TUBD1: variants seen among roughly 807,000 people sequenced by gnomAD.
TUBD1 encodes tubulin delta 1, also known as tubulin delta chain.
In TUBD1, 38 loss-of-function variants were observed where a neutral mutation model predicts 51.2. That is an observed-to-expected ratio of 0.74 (90% CI 0.57 to 0.97). The LOEUF is 0.97. Ranked by LOEUF, TUBD1 falls within the 50% of genes least tolerant of loss-of-function variation. TUBD1 has a pLI of 0.00. For synonymous variants in TUBD1, 169 were observed against 178.2 expected, an observed-to-expected ratio of 0.95 and a Z score of 0.41; for missense variants, 489 against 538.4, an observed-to-expected ratio of 0.91 and a Z score of 0.91.
In TUBD1 at chr17:59,874,528, C is replaced by G; in HGVS notation, c.934+11G>C. ...AGCTTGTGGGCTGCATATTTTTGGACTACTCTTTACCTTCTTCCATCTTTG... is the reference window on the plus strand; with the variant it reads ...AGCTTGTGGGCTGCATATTTTTGGAGTACTCTTTACCTTCTTCCATCTTTG... On this transcript the variant is annotated intron_variant, in intron 6 of 8. Coordinates refer to ENST00000325752, the MANE Select transcript of TUBD1 (RefSeq NM_016261.4). The G allele has an allele frequency of 1.2e-6, 2 of 1,606,342 alleles. No homozygotes were observed. Among genetic ancestry groups the G allele is most frequent in the Non-Finnish European group, 1.7e-6 (2 of 1,178,180 alleles).
intron 6 of TUBD1, among the ~76,000 whole-genome samples, chr17:59,872,414 GA>G (rs962164639): frequency 4.0e-5 from 6 of 151,892 alleles, no homozygotes; most frequent in African/African-American, 9.7e-5. Flanking sequence ...TTTTTTTACA[GA>G]AAAGTTTCAG....
At chr17:59,888,873 G>A (rs1408396050) in intron 2 of TUBD1, among the ~76,000 whole-genome samples, 3 of 151,668 alleles carry the variant, frequency 2.0e-5, no homozygotes, top group East Asian at 1.9e-4. Flanking sequence ...CACTACGCTC[G>A]GCTAATTTTT....
Position 59,889,668 on chromosome 17 carries a change from C to CAAA in TUBD1, c.172+1160_172+1162dup, listed in dbSNP as rs1195587619. 1.8e-4 allele frequency among the ~76,000 whole-genome samples: 10 copies of CAAA among 54,138 alleles called. No individual in the cohort carries two copies. In the East Asian group the frequency reaches 1.9e-3, roughly 10 times the overall value. The allele number at this position is 54,138 out of a possible 152,430, so 35.5% of individuals were successfully genotyped here. ...TGGGTGACAGAGCTAGACTCTGTCT[C>CAAA]AAAAAAAAAAAAAAAAAAAGAAAAA... On this transcript the variant is annotated intron_variant, in intron 2 of 8. Transcript: ENST00000325752.
At position 59,882,082 on chromosome 17, in the gene TUBD1, TTC is replaced by T. The variant is rs869113547; in HGVS notation, c.321-974_321-973del. Among the ~76,000 whole-genome samples the T allele has an allele frequency of 3.4e-3, 363 of 107,378 alleles. 1 individual carries two copies. Among genetic ancestry groups the T allele is most frequent in the African/African-American group, 0.012 (277 of 22,658 alleles). The allele number at this position is 107,378 out of a possible 152,430, so 70.4% of individuals were successfully genotyped here. Reference sequence around the variant, plus strand: ...CTGTATTTTTGTACCCATTAGCAACTTCTTTTTTTTTTTTAAACAGGGTCTCA... The same window carrying T: ...CTGTATTTTTGTACCCATTAGCAACTTTTTTTTTTTTTAAACAGGGTCTCA... On this transcript the variant is annotated intron_variant, in intron 3 of 8. Coordinates refer to ENST00000325752, the MANE Select transcript of TUBD1 (RefSeq NM_016261.4).
chr17:59,867,393 T>C (rs1015233440), intron 6 of TUBD1, among the ~76,000 whole-genome samples: 12 of 152,064 alleles, frequency 7.9e-5, no homozygotes, highest in African/African-American at 1.9e-4. Context: ...GGGCAAAAAA[T>C]TGTACTCAAA....
At chr17:59,867,377 T>G (rs1044574255) in intron 6 of TUBD1, among the ~76,000 whole-genome samples, 17 of 152,048 alleles carry the variant, frequency 1.1e-4, no homozygotes, top group African/African-American at 4.1e-4. Context: ...CCACTAGACT[T>G]TGTTGGGGCA....
At chr17:59,885,249 C>A (rs879412500) in intron 3 of TUBD1, 6 of 532,720 alleles carry the variant, frequency 1.1e-5, no homozygotes, top group Admixed American at 9.2e-5. Flanking sequence ...CCCAAAGCTC[C>A]CTGCATGAGA....
intron 7 of TUBD1, among the ~76,000 whole-genome samples, chr17:59,865,825 G>A (rs1356827903): frequency 6.6e-6 from 1 of 151,416 alleles, no homozygotes; most frequent in Admixed American, 6.6e-5. Context: ...AAGGAGGCAA[G>A]CCTAGCTGGG....
At chr17:59,870,553 G>T (rs562303717) in intron 6 of TUBD1, among the ~76,000 whole-genome samples, 81 of 152,158 alleles carry the variant, frequency 5.3e-4, no homozygotes, top group African/African-American at 1.9e-3. Context: ...GGAGGCTCTG[G>T]CCTCAGTGAC....
At chr17:59,873,197 T>C (rs1419635679) in intron 6 of TUBD1, among the ~76,000 whole-genome samples, 1 of 152,120 alleles carries the variant, frequency 6.6e-6, no homozygotes, top group African/African-American at 2.4e-5. Flanking sequence ...AGGTGTAGGA[T>C]TGCTGTTTTT....
chr17:59,874,790 C>G, intron 5 of TUBD1, 87 bp from the exon 6 acceptor site: 3 of 1,108,382 alleles, frequency 2.7e-6, no homozygotes, highest in Non-Finnish European at 3.9e-6. Context: ...TGAAGGTTTT[C>G]TGGGCCAAAT....
chr17:59,891,181 A>G, intron 1 of TUBD1, 140 bp from the exon 2 acceptor site: 1 of 532,188 alleles, frequency 1.9e-6, no homozygotes, highest in South Asian at 2.3e-5. Context: ...CCCAGGCTAG[A>G]GTGCAGTGGC....
chr17:59,888,852 C>T (rs898638964), intron 2 of TUBD1, among the ~76,000 whole-genome samples: 1 of 151,700 alleles, frequency 6.6e-6, no homozygotes, highest in Non-Finnish European at 1.5e-5. Flanking sequence ...GCTGGGATTA[C>T]AGGCACGCAC....
chr17:59,862,258 G>A (rs188020470), intron 8 of TUBD1, among the ~76,000 whole-genome samples: 1 of 151,178 alleles, frequency 6.6e-6, no homozygotes, highest in African/African-American at 2.4e-5. Context: ...AGGAGGCAGA[G>A]GTTGCAGTGA....
chr17:59,865,174 CACA>C (rs1169037012), intron 7 of TUBD1, among the ~76,000 whole-genome samples: 2 of 152,216 alleles, frequency 1.3e-5, no homozygotes, highest in Admixed American at 6.6e-5. Flanking sequence ...TTCTTTGCAT[CACA>C]ACAAGAAGTA....
intron 3 of TUBD1, chr17:59,885,565 G>A (rs1158651162): frequency 7.5e-6 from 10 of 1,327,714 alleles, no homozygotes; most frequent in Admixed American, 1.7e-5. Context: ...AGGAGGCTTC[G>A]TGGGCTTTTG....
chr17:59,869,486 A>G (rs1598516761), intron 6 of TUBD1, among the ~76,000 whole-genome samples: 2 of 152,094 alleles, frequency 1.3e-5, no homozygotes, highest in East Asian at 1.9e-4. Context: ...CCCGCCAAAA[A>G]AAAAAAAGAA....
intron 4 of TUBD1, among the ~76,000 whole-genome samples, chr17:59,879,161 G>A (rs1328004838): frequency 2.6e-5 from 4 of 151,848 alleles, no homozygotes; most frequent in Non-Finnish European, 4.4e-5. Flanking sequence ...CCAGCTACCC[G>A]GGAGGCTGAT....
intron 6 of TUBD1, among the ~76,000 whole-genome samples, chr17:59,869,344 T>C (rs1028691729): frequency 6.6e-6 from 1 of 151,510 alleles, no homozygotes; most frequent in South Asian, 2.1e-4. Context: ...GGCATGGTGG[T>C]GCGCACCTGT....
Sources: gnomAD v4.1 joint callset for allele counts (sites outside exome capture counted in the v4.1 genomes callset) on GRCh38, gnomAD v4.1.1 for gene constraint, MANE v1.5 for transcripts, NCBI Gene and HGNC (gene_info 2026-07-23, HGNC 2026-07-21) for gene names.